The following SEC63 variants were observed in gnomAD, a reference collection of about 807,000 sequenced individuals.
SEC63 encodes translocation protein SEC63 homolog.
Under a neutral mutation model 116.2 loss-of-function variants are expected in SEC63, and 56 were observed. The ratio of observed to expected loss-of-function variants is 0.48; its 90% CI spans 0.39 to 0.60. The LOEUF (loss-of-function observed/expected upper bound fraction) is 0.60. SEC63 is among the 20% of genes least tolerant of loss of function. The probability of loss-of-function intolerance (pLI) is 0.00; values close to 1 mark genes in which losing one functional copy is unlikely to be tolerated. For missense variants in SEC63, 668 were observed against 900.0 expected (o/e 0.74, Z 3.30); for synonymous variants, 273 against 294.6 (o/e 0.93, Z 0.75).
At chr6:107,894,889 C>A (rs1318164933) in intron 14 of SEC63, among the ~76,000 whole-genome samples, 1 of 152,070 alleles carries the variant, frequency 6.6e-6, no homozygotes, top group Non-Finnish European at 1.5e-5. Context: ...TGTGCCTGCC[C>A]TGCCACCTGC....
chr6:107,958,024 C>A lies in SEC63; in HGVS notation c.-15G>T. The A allele has an allele frequency of 6.2e-7, 1 of 1,612,910 alleles. No individual in the cohort carries two copies. The highest frequency in any genetic ancestry group is 8.5e-7 in the Non-Finnish European group (1 of 1,179,304). On this transcript the variant is annotated 5_prime_UTR_variant, in exon 1 of 21. Coordinates refer to ENST00000369002, the MANE Select transcript of SEC63 (RefSeq NM_007214.5). Reference sequence around the variant, plus strand: ...TGCCCGGCCATGGCACCCCCTCCTCCGCCTCGCTCTTCTCACCGCCGCCGC... The same window carrying A: ...TGCCCGGCCATGGCACCCCCTCCTCAGCCTCGCTCTTCTCACCGCCGCCGC...
At chr6:107,957,850 T>G in intron 1 of SEC63, 36 bp downstream of exon 1, 1 of 1,587,486 alleles carries the variant, frequency 6.3e-7, no homozygotes, top group Non-Finnish European at 8.6e-7. Flanking sequence ...TGGCGGGGCC[T>G]GCGCGGGTTC....
intron 9 of SEC63, 49 bp from the exon 10 acceptor site, chr6:107,906,629 G>GTATT: frequency 1.2e-6 from 2 of 1,605,376 alleles, no homozygotes; most frequent in South Asian, 2.2e-5. Context: ...TTTAAAAAAA[G>GTATT]TATTCACTTT....
chr6:107,869,436 C>T lies in SEC63; in HGVS notation c.*2268G>A. 1 of 152,164 alleles carries T rather than the reference C, an allele frequency of 6.6e-6. No individual in the cohort carries two copies. Among genetic ancestry groups the T allele is most frequent in the Non-Finnish European group, 1.5e-5 (1 of 68,034 alleles). The allele number at this position is 152,164 out of a possible 1,614,324, so 9.4% of individuals were successfully genotyped here. A position where few individuals can be genotyped will look rare whatever the true frequency, so the allele number is the denominator to read the frequency against. The stretch of plus-strand genomic sequence containing the variant: ...CTGTTTCAATTTCACTTCCTATACA[C>T]TGTATGATCTATAGGCTCATCAATT... On this transcript the variant is annotated 3_prime_UTR_variant, in exon 21 of 21. Transcript: ENST00000369002.
chr6:107,895,035 G>T (rs976305087), intron 14 of SEC63, among the ~76,000 whole-genome samples: 1 of 152,182 alleles, frequency 6.6e-6, no homozygotes. Flanking sequence ...CCACTCCCTA[G>T]TCTAATTATA....
At chr6:107,889,448 CTT>C (rs1395002228) in intron 16 of SEC63, among the ~76,000 whole-genome samples, 2 of 152,026 alleles carry the variant, frequency 1.3e-5, no homozygotes, top group Non-Finnish European at 2.9e-5. Context: ...TCCCCTTTAT[CTT>C]TTTTTATTGC....
At chr6:107,934,991 TG>T (rs1416833709) in intron 1 of SEC63, among the ~76,000 whole-genome samples, 1 of 104,672 alleles carries the variant, frequency 9.6e-6, no homozygotes. Context: ...GGCAGGGAGG[TG>T]GGGGGGTCAG....
At chr6:107,953,236 G>C (rs1280123336) in intron 1 of SEC63, among the ~76,000 whole-genome samples, 1 of 152,222 alleles carries the variant, frequency 6.6e-6, no homozygotes, top group Admixed American at 6.5e-5. Context: ...CTTCAGCCTG[G>C]GTGACAGAGC....
intron 1 of SEC63, among the ~76,000 whole-genome samples, chr6:107,951,798 C>A (rs933583613): frequency 6.6e-6 from 1 of 151,706 alleles, no homozygotes; most frequent in Admixed American, 6.6e-5. Context: ...CCTGGCTAAC[C>A]CCGTCTCTAC....
At chr6:107,950,591 A>G (rs1770561856) in intron 1 of SEC63, among the ~76,000 whole-genome samples, 1 of 152,200 alleles carries the variant, frequency 6.6e-6, no homozygotes. Flanking sequence ...GATGAGTATG[A>G]CCAATAAAGA....
intron 1 of SEC63, among the ~76,000 whole-genome samples, chr6:107,949,471 C>CT (rs1189794597): frequency 2.0e-5 from 3 of 151,354 alleles, no homozygotes; most frequent in African/African-American, 7.3e-5. Context: ...AACCCAGTCT[C>CT]TATTTAAAAA....
In SEC63 at chr6:107,929,431, T is replaced by C. The variant is rs754161293; in HGVS notation, c.208A>G (p.Ile70Val). 1.4e-5 allele frequency: 22 copies of C among 1,569,706 alleles called. No homozygotes were observed. The highest frequency in any genetic ancestry group is 1.7e-5 in the Admixed American group (1 of 59,916). Residue 70 changes from isoleucine to valine, a missense_variant, in exon 2 of 21, where the codon ATT (isoleucine) becomes GTT (valine). Ile to Val is a conservative substitution (Grantham distance 29). Coordinates refer to ENST00000369002, the MANE Select transcript of SEC63 (RefSeq NM_007214.5). Reference sequence around the variant, plus strand: ...ATTACTTACTTTACTGTAGGAATAATATTTGGCTGGGGTTTTAATAACCGT... The same window carrying C: ...ATTACTTACTTTACTGTAGGAATAACATTTGGCTGGGGTTTTAATAACCGT... ...RLRLLKPQPN[I>V]IPTVKKIVLL...
intron 18 of SEC63, among the ~76,000 whole-genome samples, chr6:107,879,307 G>T (rs1320250869): frequency 1.3e-5 from 2 of 151,376 alleles, no homozygotes; most frequent in Non-Finnish European, 2.9e-5. Flanking sequence ...GGGATTATAG[G>T]CACCCGCCAC....
At chr6:107,875,867 TAC>T (rs1562312013) in intron 19 of SEC63, among the ~76,000 whole-genome samples, 2 of 152,128 alleles carry the variant, frequency 1.3e-5, no homozygotes, top group African/African-American at 4.8e-5. Context: ...AGACCAAAAT[TAC>T]AAACATACAG....
At chr6:107,956,041 G>A (rs1213431834) in intron 1 of SEC63, 1 of 403,648 alleles carries the variant, frequency 2.5e-6, no homozygotes, top group Non-Finnish European at 5.0e-6. Flanking sequence ...GCTACTCGGG[G>A]GGCTGAAGCG....
intron 1 of SEC63, among the ~76,000 whole-genome samples, chr6:107,938,100 C>G (rs1770296061): frequency 6.6e-6 from 1 of 152,168 alleles, no homozygotes; most frequent in Non-Finnish European, 1.5e-5. Context: ...ATAATTCCAT[C>G]TCTTTTAAAT....
chr6:107,911,907 A>C (rs925519131), intron 6 of SEC63, among the ~76,000 whole-genome samples: 7 of 152,188 alleles, frequency 4.6e-5, no homozygotes, highest in Non-Finnish European at 1.0e-4. Context: ...CATAATGCTG[A>C]CTAGCAATTT....
In SEC63 at chr6:107,905,123, A is replaced by C. The variant is rs572494716; in HGVS notation, c.962-402T>G. Among the ~76,000 whole-genome samples, 28 of 152,322 alleles carry C rather than the reference A, an allele frequency of 1.8e-4. No homozygotes were observed. The South Asian group carries it at 2.7e-3, about 15-fold the overall frequency. On this transcript the variant is annotated intron_variant, in intron 10 of 20. Transcript: ENST00000369002. ...AAGAGAAGAAGAGGGCAACTTACAGAAAGAGAAAGACTCTTTCATTTATAC... is the reference window on the plus strand; with the variant it reads ...AAGAGAAGAAGAGGGCAACTTACAGCAAGAGAAAGACTCTTTCATTTATAC...
chr6:107,951,105 G>A (rs1292734130), intron 1 of SEC63, among the ~76,000 whole-genome samples: 1 of 152,148 alleles, frequency 6.6e-6, no homozygotes, highest in African/African-American at 2.4e-5. Context: ...CATTTTAAAA[G>A]CACTAGGAAA....
Sources: gnomAD v4.1 joint callset for allele counts (sites outside exome capture counted in the v4.1 genomes callset) on GRCh38, gnomAD v4.1.1 for gene constraint, MANE v1.5 for transcripts, NCBI Gene and HGNC (gene_info 2026-07-23, HGNC 2026-07-21) for gene names.